The following MPP7 variants were observed in gnomAD, a reference collection of about 807,000 sequenced individuals.
MPP7 encodes the protein MAGUK p55 scaffold protein 7.
Under a neutral mutation model 76.5 loss-of-function variants are expected in MPP7, and 60 were observed. The observed-to-expected ratio is 0.78, with a 90% CI of 0.64 to 0.97. MPP7 has a LOEUF of 0.97. Among genes scored for constraint, MPP7 ranks in the 50% least tolerant of loss-of-function variants. The pLI is 0.00. For missense variants in MPP7, 641 were observed against 694.0 expected, an observed-to-expected ratio of 0.92 and a Z score of 0.86; for synonymous variants, 237 against 244.5, an observed-to-expected ratio of 0.97 and a Z score of 0.29.
chr10:28,184,742 T>C (rs559298789), intron 3 of MPP7, among the ~76,000 whole-genome samples: 10 of 147,812 alleles, frequency 6.8e-5, no homozygotes, highest in African/African-American at 2.5e-4. Context: ...TATATAGTAA[T>C]ATAATTAATA....
intron 5 of MPP7, among the ~76,000 whole-genome samples, chr10:28,136,058 A>G (rs1223456396): frequency 6.6e-6 from 1 of 151,852 alleles, no homozygotes; most frequent in African/African-American, 2.4e-5. Context: ...CGTGAACCCT[A>G]TTGTGAACTG....
Position 28,330,996 on chromosome 10 carries a change from T to C in MPP7, c.-205-994A>G, listed in dbSNP as rs115578521. Among the ~76,000 whole-genome samples the C allele has an allele frequency of 7.2e-3, 1,098 of 152,226 alleles. 15 individuals carry two copies. The highest frequency in any genetic ancestry group is 0.026 in the African/African-American group (1,071 of 41,520). On this transcript the variant is annotated intron_variant, in intron 1 of 11. Transcript: ENST00000441595. ...TGTTATTCTTTAACACAGTACCGTA[T>C]TCATTTTGTTGCACTGAGGACAATT... is the stretch of plus-strand genomic sequence containing the variant.
intron 3 of MPP7, among the ~76,000 whole-genome samples, chr10:28,155,496 G>A (rs1258428040): frequency 6.6e-6 from 1 of 151,316 alleles, no homozygotes. Flanking sequence ...AGGCTGAAGT[G>A]GGCAGACTGA....
Position 28,171,145 on chromosome 10 carries a change from G to A in MPP7, c.157-21086C>T, listed in dbSNP as rs1836666991. ...GTGCCCTGTCAGCATCGAGGGTACA[G>A]AAAGGACAGACACACCTTCAGTCCA... On this transcript the variant is annotated intron_variant, in intron 3 of 16. Coordinates refer to ENST00000683449, the MANE Select transcript of MPP7 (RefSeq NM_001318170.2). Among the ~76,000 whole-genome samples, 4 of 152,146 alleles carry A rather than the reference G, an allele frequency of 2.6e-5. 1 individual carries two copies. In the South Asian group the frequency reaches 8.3e-4, roughly 31 times the overall value.
chr10:28,083,786 C>T (rs1852877249), intron 12 of MPP7, among the ~76,000 whole-genome samples: 1 of 152,234 alleles, frequency 6.6e-6, no homozygotes, highest in Non-Finnish European at 1.5e-5. Context: ...GATCTGCCTG[C>T]CTCGGCCTCC....
rs115690087 is a variant in MPP7, at chr10:28,134,950, T to C, written c.316-3259A>G. On this transcript the variant is annotated intron_variant, in intron 5 of 16. Transcript: ENST00000683449. ...ACCCAGCAAAAGTATCTTTCAAGAA[T>C]AAAGATGAGGACCAAGATGAGGTTA... 5.4e-3 allele frequency among the ~76,000 whole-genome samples: 821 copies of C among 152,098 alleles called. 8 individuals carry two copies. Among genetic ancestry groups the C allele is most frequent in the African/African-American group, 0.019 (770 of 41,536 alleles).
At chr10:28,326,658 T>G (rs992429336) in intron 2 of MPP7, among the ~76,000 whole-genome samples, 1 of 152,200 alleles carries the variant, frequency 6.6e-6, no homozygotes, top group Non-Finnish European at 1.5e-5. Flanking sequence ...AAGTCAGCCT[T>G]GAAAATACAT....
chr10:28,212,982 C>G (rs1838191390), intron 2 of MPP7, among the ~76,000 whole-genome samples: 1 of 152,118 alleles, frequency 6.6e-6, no homozygotes, highest in African/African-American at 2.4e-5. Flanking sequence ...CTCTGCCACT[C>G]AGGCTGTAGT....
chr10:28,272,704 T>TA (rs997776997), intron 1 of MPP7, among the ~76,000 whole-genome samples: 4 of 152,242 alleles, frequency 2.6e-5, no homozygotes, highest in South Asian at 2.1e-4. Context: ...TGTTGATTTT[T>TA]AAAAAAATGT....
At chr10:28,058,701 G>A (rs967295778) in intron 14 of MPP7, 98 bp from the exon 15 acceptor site, 3 of 552,784 alleles carry the variant, frequency 5.4e-6, no homozygotes, top group Non-Finnish European at 9.4e-6. Flanking sequence ...TGCTGAACAC[G>A]TAATTTTTTT....
intron 5 of MPP7, among the ~76,000 whole-genome samples, chr10:28,143,581 C>CGTGTGCTCTGTGTGTGTGTGTG (rs765475349): frequency 5.3e-5 from 8 of 151,796 alleles, no homozygotes; most frequent in Non-Finnish European, 7.4e-5. Flanking sequence ...GTATTCCTAT[C>CGTGTGCTCTGTGTGTGTGTGTG]TTTGTGGATC....
At chr10:28,059,178 T>C (rs1851679828) in intron 14 of MPP7, among the ~76,000 whole-genome samples, 1 of 152,122 alleles carries the variant, frequency 6.6e-6, no homozygotes. Flanking sequence ...CAGGGGGCAC[T>C]GGGGTGGGCT....
At chr10:28,329,691 T>G (rs1439039275) in intron 2 of MPP7, among the ~76,000 whole-genome samples, 1 of 151,238 alleles carries the variant, frequency 6.6e-6, no homozygotes, top group African/African-American at 2.4e-5. Context: ...GTTTTTCAGC[T>G]GAGAAACTTT....
chr10:28,234,461 C>T (rs1839000434), intron 2 of MPP7, among the ~76,000 whole-genome samples: 1 of 152,022 alleles, frequency 6.6e-6, no homozygotes, highest in South Asian at 2.1e-4. Context: ...GTGTGGGCTG[C>T]ACAAAGAGAC....
At chr10:28,059,608 T>C in intron 14 of MPP7, 42 bp downstream of exon 14, 1 of 1,370,896 alleles carries the variant, frequency 7.3e-7, no homozygotes, top group Non-Finnish European at 1.0e-6. Flanking sequence ...CATGTGCTTA[T>C]AAAAAACAGT....
upstream of MPP7, among the ~76,000 whole-genome samples, chr10:28,306,730 A>AGTT (rs1450223541): frequency 6.6e-6 from 1 of 152,096 alleles, no homozygotes; most frequent in African/African-American, 2.4e-5. Context: ...GATAATAGAT[A>AGTT]GTTGATAGAT....
In MPP7 at chr10:28,260,337, AGTTAAT is replaced by A. The variant is rs1839908869; in HGVS notation, c.-131-21608_-131-21603del. Among the ~76,000 whole-genome samples the A allele has an allele frequency of 2.0e-5, 3 of 152,218 alleles. No homozygotes were observed. In the South Asian group the frequency reaches 6.2e-4, roughly 32 times the overall value. On this transcript the variant is annotated intron_variant, in intron 1 of 16. Transcript: ENST00000683449. The stretch of plus-strand genomic sequence containing the variant: ...ATGTATTAGTCTATATGTATGCATT[AGTTAAT>A]GATCTGAAGCAGTTATACAAAGCTT...
At chr10:28,236,577 A>T (rs1839081062) in intron 2 of MPP7, 1 of 152,222 alleles carries the variant, frequency 6.6e-6, no homozygotes, top group Non-Finnish European at 1.5e-5. Flanking sequence ...GAGAAAAAAA[A>T]TGAGATCGGG....
At chr10:28,311,036 A>G (rs1841286998) in intron 2 of MPP7, among the ~76,000 whole-genome samples, 1 of 152,206 alleles carries the variant, frequency 6.6e-6, no homozygotes, top group South Asian at 2.1e-4. Context: ...TGGGATCCCC[A>G]GTGGCTTACA....
Sources: allele counts gnomAD v4.1 joint callset (sites outside exome capture counted in the v4.1 genomes callset), GRCh38; gene constraint gnomAD v4.1.1; transcripts MANE v1.5; gene names NCBI Gene and HGNC (gene_info 2026-07-23, HGNC 2026-07-21).